Variants in PPFIA1 observed in about 807,000 individuals in gnomAD.
PPFIA1 encodes the protein liprin-alpha-1.
In PPFIA1, 25 loss-of-function variants were observed where a neutral mutation model predicts 149.9. That is an observed-to-expected ratio of 0.17 (90% CI 0.12 to 0.23). The LOEUF is 0.23. PPFIA1 is among the 10% of genes least tolerant of loss of function. The pLI is 1.00. For missense variants in PPFIA1, 1,362 were observed against 1,506.5 expected (o/e 0.90, Z 1.59); for synonymous variants, 549 against 552.8 (o/e 0.99, Z 0.10).
At chr11:70,374,737 G>T (rs1375390365) in intron 23 of PPFIA1, 181 bp from the exon 24 acceptor site, 2 of 563,054 alleles carry the variant, frequency 3.6e-6, no homozygotes, top group Non-Finnish European at 6.1e-6. Flanking sequence ...GTGGAGCAGG[G>T]CCAGGACACC....
At chr11:70,309,840 C>T (rs929143054) in intron 2 of PPFIA1, among the ~76,000 whole-genome samples, 5 of 151,280 alleles carry the variant, frequency 3.3e-5, no homozygotes, top group East Asian at 1.9e-4. Flanking sequence ...GTGCCTAGGG[C>T]GGAGAGGGGA....
At chr11:70,334,628 T>A (rs2054860702) in intron 10 of PPFIA1, 1 of 152,204 alleles carries the variant, frequency 6.6e-6, no homozygotes, top group Non-Finnish European at 1.5e-5. Context: ...GCTGGACCCT[T>A]TCAGGTAATG....
chr11:70,276,985 C>G (rs1187211448), intron 2 of PPFIA1, among the ~76,000 whole-genome samples: 2 of 109,864 alleles, frequency 1.8e-5, no homozygotes, highest in African/African-American at 7.4e-5. Context: ...CATTTGTTTT[C>G]TATTGCATTA....
chr11:70,292,544 A>AT (rs2051607379), intron 2 of PPFIA1, among the ~76,000 whole-genome samples: 1 of 152,152 alleles, frequency 6.6e-6, no homozygotes, highest in Non-Finnish European at 1.5e-5. Flanking sequence ...TCATTTGGGT[A>AT]TTTTTTAGCA....
intron 8 of PPFIA1, among the ~76,000 whole-genome samples, chr11:70,331,401 T>C (rs1010199348): frequency 1.3e-5 from 2 of 151,292 alleles, no homozygotes; most frequent in African/African-American, 4.9e-5. Flanking sequence ...AAAAGTTATT[T>C]AGGAAAAGCA....
At chr11:70,318,134 A>G (rs1019058304) in intron 2 of PPFIA1, among the ~76,000 whole-genome samples, 11 of 152,164 alleles carry the variant, frequency 7.2e-5, no homozygotes, top group South Asian at 4.2e-4. Context: ...CAGAGGCCCT[A>G]AGTGCCGCCA....
In PPFIA1 at chr11:70,326,450, AC is replaced by A; in HGVS notation, c.708+89del. Reference sequence around the variant, plus strand: ...TTATGTGGAAAACAGTTGCTAAAGTACCGGCTTAGAGCTGAAGTGGTCATGA... The same window carrying A: ...TTATGTGGAAAACAGTTGCTAAAGTACGGCTTAGAGCTGAAGTGGTCATGA... On this transcript the variant is annotated intron_variant, in intron 6 of 27. Coordinates refer to ENST00000253925, the MANE Select transcript of PPFIA1 (RefSeq NM_003626.5). 3 of 1,343,336 alleles carry A rather than the reference AC, an allele frequency of 2.2e-6. No individual in the cohort carries two copies. In the South Asian group the frequency reaches 3.8e-5, roughly 17 times the overall value. The allele number at this position is 1,343,336 out of a possible 1,614,324, so 83.2% of individuals were successfully genotyped here.
chr11:70,320,480 G>C (rs1481018559), intron 2 of PPFIA1, among the ~76,000 whole-genome samples: 2 of 146,748 alleles, frequency 1.4e-5, no homozygotes, highest in Non-Finnish European at 3.0e-5. Context: ...CACCCGGCCT[G>C]GAGTGCAGTG....
In PPFIA1 at chr11:70,338,449, C is replaced by G. The variant is rs755513780; in HGVS notation, c.1567C>G (p.His523Asp). ...GAGACTAAGAGGTGCTTCACTTCAT[C>G]ATGGGTATGGTATTAACCAGTGAGC... ...HMRLRGASLH[H>D]GRPHLGSVPD... Residue 523 changes from histidine to aspartate, a missense_variant, in exon 13 of 28, where the codon CAT (histidine) becomes GAT (aspartate). Around this residue, in one of 7 missense-constraint regions of PPFIA1, gnomAD observed 733 missense variants for 744.1 expected, o/e 0.99. Coordinates refer to ENST00000253925, the MANE Select transcript of PPFIA1 (RefSeq NM_003626.5). 6 of 1,608,040 alleles carry G rather than the reference C, an allele frequency of 3.7e-6. No homozygotes were observed. The Admixed American group carries it at 1.0e-4, about 27-fold the overall frequency.
At chr11:70,300,938 G>A (rs1490845831) in intron 2 of PPFIA1, among the ~76,000 whole-genome samples, 1 of 152,156 alleles carries the variant, frequency 6.6e-6, no homozygotes, top group Admixed American at 6.5e-5. Context: ...AGATACCCTG[G>A]GAGGTGAGGC....
chr11:70,362,099 G>A lies in PPFIA1; in HGVS notation c.2587G>A (p.Glu863Lys). Residue 863 changes from glutamate (E) to lysine (K), a missense_variant, in exon 20 of 28, where the codon GAA (glutamate) becomes AAA (lysine). Glu to Lys is a moderately conservative substitution (Grantham distance 56). Coordinates refer to ENST00000253925, the MANE Select transcript of PPFIA1 (RefSeq NM_003626.5). ...EKNRKLQKKH[E>K]LLEEARRQGL... The stretch of plus-strand genomic sequence containing the variant: ...TCAATATCTTCTCCTTTATAGGCAT[G>A]AATTGCTGGAGGAAGCCCGGAGACA... 1 of 1,613,978 alleles carries A rather than the reference G, an allele frequency of 6.2e-7. No homozygotes were observed. The highest frequency in any genetic ancestry group is 1.1e-5 in the South Asian group (1 of 91,064).
At chr11:70,336,990 T>TAA (rs1183013075) in intron 11 of PPFIA1, among the ~76,000 whole-genome samples, 1 of 152,256 alleles carries the variant, frequency 6.6e-6, no homozygotes, top group East Asian at 1.9e-4. Context: ...TCAGCCTTAA[T>TAA]GGAGCAGTGT....
chr11:70,307,526 A>G (rs995142318), intron 2 of PPFIA1, among the ~76,000 whole-genome samples: 1 of 152,238 alleles, frequency 6.6e-6, no homozygotes. Flanking sequence ...ACTGTGTGGA[A>G]GAGTGAACAG....
chr11:70,286,565 C>T (rs1271902736), intron 2 of PPFIA1, among the ~76,000 whole-genome samples: 3 of 151,628 alleles, frequency 2.0e-5, no homozygotes, highest in South Asian at 2.1e-4. Flanking sequence ...CTCTTTTCTG[C>T]GCTAACCTTA....
At chr11:70,381,880 G>A (rs1209618759) in intron 26 of PPFIA1, among the ~76,000 whole-genome samples, 2 of 152,128 alleles carry the variant, frequency 1.3e-5, no homozygotes, top group East Asian at 1.9e-4. Context: ...AGAGTCTCCC[G>A]GGGCTCTTTG....
intron 2 of PPFIA1, among the ~76,000 whole-genome samples, chr11:70,298,825 G>A (rs2052274395): frequency 6.6e-6 from 1 of 152,144 alleles, no homozygotes; most frequent in East Asian, 1.9e-4. Flanking sequence ...AAAGAGATAC[G>A]GACACTTACC....
chr11:70,325,638 A>G, intron 5 of PPFIA1, 64 bp downstream of exon 5: 1 of 1,310,988 alleles, frequency 7.6e-7, no homozygotes. Flanking sequence ...TTAATTATTA[A>G]AAGCAGCATA....
At position 70,274,679 on chromosome 11, in the gene PPFIA1, G is replaced by T. The variant is rs3133177; in HGVS notation, c.264+2243G>T. On this transcript the variant is annotated intron_variant, in intron 2 of 27. Transcript: ENST00000253925. ...TTGGGGTTGTTTCCAGTTTTTACAC[G>T]TGCTCCCCTAATATTGTTTGTTTTT... Among the ~76,000 whole-genome samples, 5 of 151,892 alleles carry T rather than the reference G, an allele frequency of 3.3e-5. No individual in the cohort carries two copies. The East Asian group carries it at 9.7e-4, about 29-fold the overall frequency.
chr11:70,321,024 T>C lies in PPFIA1; in HGVS notation c.265-3378T>C, dbSNP rs558681296. The stretch of plus-strand genomic sequence containing the variant: ...TAGTGCTATGGGCTGAATACTTTTG[T>C]GTTCCCTGCTCTGCCAAAGTCATAT... On this transcript the variant is annotated intron_variant, in intron 2 of 27. Transcript: ENST00000253925. 2.1e-4 allele frequency among the ~76,000 whole-genome samples: 32 copies of C among 152,334 alleles called. No homozygotes were observed. In the South Asian group the frequency reaches 6.6e-3, roughly 32 times the overall value.
Sources: allele counts gnomAD v4.1 joint callset (sites outside exome capture counted in the v4.1 genomes callset), GRCh38; gene constraint gnomAD v4.1.1; regional missense constraint gnomAD v4.1.1; transcripts MANE v1.5; gene names NCBI Gene and HGNC (gene_info 2026-07-23, HGNC 2026-07-21).